Variants in TARS1 observed in about 807,000 individuals in gnomAD.
TARS1 encodes threonine--tRNA ligase 1, cytoplasmic.
A neutral mutation model predicts 97.7 loss-of-function variants in TARS1; 57 were observed. The ratio of observed to expected loss-of-function variants is 0.58; its 90% CI spans 0.47 to 0.73. The LOEUF (loss-of-function observed/expected upper bound fraction) is 0.73, where lower values mean the gene tolerates loss of function less well. Ranked by LOEUF, TARS1 falls within the 30% of genes least tolerant of loss-of-function variation. TARS1 has a pLI of 0.00. For synonymous variants in TARS1, 312 were observed against 293.7 expected (o/e 1.06, Z -0.64); for missense variants, 806 against 888.3 (o/e 0.91, Z 1.18).
chr5:33,456,160 TGATA>T lies in TARS1; in HGVS notation c.774_777del (p.Asp259SerfsTer16). On this transcript the variant is annotated frameshift_variant, in exon 8 of 19. Coordinates refer to ENST00000265112, the MANE Select transcript of TARS1 (RefSeq NM_152295.5). LOFTEE classifies it high-confidence loss of function. The stretch of plus-strand genomic sequence containing the variant: ...CATTTTATCTTTAGATGTGGCCCTT[TGATA>T]GATCTCTGCCGGGGTCCTCATGTTA... The T allele has an allele frequency of 6.2e-7, 1 of 1,614,074 alleles. No homozygotes were observed. The highest frequency in any genetic ancestry group is 8.5e-7 in the Non-Finnish European group (1 of 1,179,984).
At chr5:33,462,062 A>G (rs776065648) in intron 15 of TARS1, 37 bp from the exon 16 acceptor site, 1 of 1,600,672 alleles carries the variant, frequency 6.2e-7, no homozygotes, top group Non-Finnish European at 8.5e-7. Context: ...GAGAAAATAT[A>G]TATAATAAGA....
chr5:33,445,426 G>C (rs1741364925), intron 2 of TARS1, 22 bp downstream of exon 2: 2 of 1,603,918 alleles, frequency 1.2e-6, no homozygotes, highest in Non-Finnish European at 1.7e-6. Context: ...CATCACAGAG[G>C]GCTCTGTTAT....
intron 1 of TARS1, 47 bp downstream of exon 1, chr5:33,441,190 G>T (rs773981405): frequency 6.2e-7 from 1 of 1,608,274 alleles, no homozygotes; most frequent in Non-Finnish European, 8.5e-7. Flanking sequence ...GACTCTAGTG[G>T]GTGCAGACGC....
chr5:33,454,963 G>T lies in TARS1; in HGVS notation c.472G>T (p.Ala158Ser). The T allele has an allele frequency of 1.2e-6, 2 of 1,613,710 alleles. No homozygotes were observed. Among genetic ancestry groups the T allele is most frequent in the Non-Finnish European group, 1.7e-6 (2 of 1,179,786 alleles). ...TTTTCAGGTGTATTGGCACTCTAGT[G>T]CTCACATAATGGGTGAAGCCATGGA... ...EAQAVYWHSS[A>S]HIMGEAMERV... The change falls in exon 5 of 19, where the codon GCT becomes TCT. Residue 158 changes from alanine to serine, a missense_variant. Ala to Ser is a moderately conservative substitution (Grantham distance 99). Around this residue, in one of 3 missense-constraint regions of TARS1, gnomAD observed 356 missense variants for 357.8 expected, o/e 0.99. Transcript: ENST00000265112.
chr5:33,456,510 T>C (rs1742024918), intron 8 of TARS1, among the ~76,000 whole-genome samples: 1 of 152,238 alleles, frequency 6.6e-6, no homozygotes, highest in Non-Finnish European at 1.5e-5. Context: ...TGAGACTCAC[T>C]GGGAGTATGT....
intron 1 of TARS1, among the ~76,000 whole-genome samples, chr5:33,443,320 C>CCTCCCTCTCT (rs1741221675): frequency 1.7e-5 from 2 of 118,484 alleles, no homozygotes; most frequent in Non-Finnish European, 3.5e-5. Context: ...TCTCTCTCTC[C>CCTCCCTCTCT]CTCTCTCTCT....
Position 33,455,995 on chromosome 5 carries a change from TTTTCAGTACAACA to T in TARS1, c.694-6_700del. 1 of 1,613,038 alleles carries T rather than the reference TTTTCAGTACAACA, an allele frequency of 6.2e-7. No homozygotes were observed. The highest frequency in any genetic ancestry group is 1.7e-5 in the Admixed American group (1 of 59,966). ...TTTTTTAAAATAATAATTTTTCCTGTTTTCAGTACAACAAGTTCAAATGCCGGATATTGAATGA... is the reference window on the plus strand; with the variant it reads ...TTTTTTAAAATAATAATTTTTCCTGTAGTTCAAATGCCGGATATTGAATGA... On this transcript the variant is annotated splice_acceptor_variant and splice_polypyrimidine_tract_variant and coding_sequence_variant and intron_variant, in exon 7 of 19. Coordinates refer to ENST00000265112, the MANE Select transcript of TARS1 (RefSeq NM_152295.5). LOFTEE classifies it high-confidence loss of function.
chr5:33,467,652 G>A lies in TARS1; in HGVS notation c.2116G>A (p.Glu706Lys), dbSNP rs551944947. 8.2e-5 allele frequency: 132 copies of A among 1,613,928 alleles called. 1 individual carries two copies. In the South Asian group the frequency reaches 1.3e-3, roughly 16 times the overall value. ...HGERTISETI[E>K]RLQQLKEFRS... ...GGAACGCACCATTTCTGAAACTATC[G>A]AGCGGCTACAGCAGCTCAAAGAGTT... is the stretch of plus-strand genomic sequence containing the variant. Residue 706 changes from glutamate (E) to lysine (K), a missense_variant, in exon 19 of 19, where the codon GAG becomes AAG. By Grantham distance (56) the Glu-to-Lys change is moderately conservative. Around this residue, in one of 3 missense-constraint regions of TARS1, gnomAD observed 446 missense variants for 511.0 expected, o/e 0.87. Transcript: ENST00000265112.
chr5:33,456,065 AG>A lies in TARS1; in HGVS notation c.758+1del. 5.0e-6 allele frequency: 8 copies of A among 1,613,634 alleles called. No individual in the cohort carries two copies. The highest frequency in any genetic ancestry group is 6.8e-6 in the Non-Finnish European group (8 of 1,179,592). The stretch of plus-strand genomic sequence containing the variant: ...GAATACTCCAACTACCACAGTCTAT[AG>A]GTAAGAATATTAGATGTCATTAAAT... Reference protein sequence around the residue: ...KVNTPTTTVYRCGPLIDLCRG... With the variant: ...KVNTPTTTVYXCGPLIDLCRG... On this transcript the variant is annotated frameshift_variant and splice_region_variant, in exon 7 of 19. Coordinates refer to ENST00000265112, the MANE Select transcript of TARS1 (RefSeq NM_152295.5). LOFTEE classifies it high-confidence loss of function.
intron 3 of TARS1, chr5:33,452,286 C>G: frequency 7.5e-7 from 1 of 1,329,950 alleles, no homozygotes; most frequent in East Asian, 2.5e-5. Flanking sequence ...ACTATTATTT[C>G]TCTAGCTGTG....
intron 9 of TARS1, among the ~76,000 whole-genome samples, 158 bp downstream of exon 9, chr5:33,457,561 C>T (rs941919763): frequency 1.3e-5 from 2 of 152,196 alleles, no homozygotes; most frequent in African/African-American, 4.8e-5. Flanking sequence ...TAAACACTTA[C>T]TGATTGTCCA....
Position 33,463,769 on chromosome 5 carries a change from C to G in TARS1, c.1852C>G (p.Pro618Ala). The G allele has an allele frequency of 6.2e-7, 1 of 1,612,236 alleles. No individual in the cohort carries two copies. The highest frequency in any genetic ancestry group is 2.2e-5 in the East Asian group (1 of 44,864). ...CTTCCAAAGGCCCTTTTGGCTGTCC[C>G]CTCGCCAGGTAATGGTAGTTCCAGT... is the stretch of plus-strand genomic sequence containing the variant. The part of the protein sequence containing the change: ...YGGKWPFWLS[P>A]RQVMVVPVGP... The change falls in exon 17 of 19, where the codon CCT (proline) becomes GCT (alanine). Residue 618 changes from proline to alanine, a missense_variant. Physicochemically the swap from Pro to Ala is conservative, Grantham distance 27 (BLOSUM62 -1). This residue lies in a region of TARS1 where 446 missense variants were observed against 511.0 expected (regional missense o/e 0.87). Transcript: ENST00000265112.
At chr5:33,441,218 C>T in intron 1 of TARS1, 75 bp downstream of exon 1, 1 of 1,575,446 alleles carries the variant, frequency 6.3e-7, no homozygotes, top group Non-Finnish European at 8.7e-7. Flanking sequence ...GCGGCGGGAG[C>T]GGGGGGCAGG....
chr5:33,467,078 T>C (rs1742561187), intron 18 of TARS1, 93 bp downstream of exon 18: 1 of 552,952 alleles, frequency 1.8e-6, no homozygotes, highest in South Asian at 5.5e-5. Context: ...TAATCAAGAA[T>C]TTATTTAGTT....
intron 1 of TARS1, among the ~76,000 whole-genome samples, chr5:33,442,959 C>T (rs1010301598): frequency 5.3e-5 from 8 of 152,142 alleles, no homozygotes; most frequent in Non-Finnish European, 1.2e-4. Context: ...ATACTAATAA[C>T]CCCTGTGCTG....
intron 1 of TARS1, 134 bp from the exon 2 acceptor site, chr5:33,445,190 C>A: frequency 4.7e-6 from 3 of 640,860 alleles, no homozygotes; most frequent in Non-Finnish European, 7.7e-6. Flanking sequence ...ATTGTTCAGT[C>A]TTTCAATATC....
rs2270903 is a variant in TARS1 at position 33,457,430 on chromosome 5, T to A, written c.984+27T>A. ...TATGTTCAAGAACAATGATGTGTCT[T>A]GACTGAGTTTTCTTCAACTTCATTT... is the stretch of plus-strand genomic sequence containing the variant. On this transcript the variant is annotated intron_variant, in intron 9 of 18. Coordinates refer to ENST00000265112, the MANE Select transcript of TARS1 (RefSeq NM_152295.5). 707,306 of 1,605,388 alleles carry A rather than the reference T, an allele frequency of 0.44. 164,174 individuals are homozygous for A. The highest frequency in any genetic ancestry group is 0.74 in the East Asian group (33,004 of 44,760).
chr5:33,449,163 T>C (rs969521171), intron 3 of TARS1, among the ~76,000 whole-genome samples: 3 of 152,206 alleles, frequency 2.0e-5, no homozygotes, highest in Non-Finnish European at 4.4e-5. Context: ...ATTCCTAGTC[T>C]TAAAACTTTT....
At chr5:33,465,998 ACT>A (rs1400404472) in intron 17 of TARS1, 1 of 152,134 alleles carries the variant, frequency 6.6e-6, no homozygotes, top group Admixed American at 6.5e-5. Flanking sequence ...ATTTCCAGAA[ACT>A]CTGACCCTTC....
Sources: gnomAD v4.1 joint callset for allele counts (sites outside exome capture counted in the v4.1 genomes callset) on GRCh38, gnomAD v4.1.1 for gene constraint, gnomAD v4.1.1 regional missense constraint, MANE v1.5 for transcripts, NCBI Gene and HGNC (gene_info 2026-07-23, HGNC 2026-07-21) for gene names.